Variants in LSG1 observed in about 807,000 individuals in gnomAD.
LSG1 encodes the protein large subunit GTPase 1 homolog.
In LSG1, 55 loss-of-function variants were observed where a neutral mutation model predicts 82.6. That is an observed-to-expected ratio of 0.67 (90% CI 0.54 to 0.83). LSG1 has a LOEUF of 0.83. Ranked by LOEUF, LSG1 falls within the 40% of genes least tolerant of loss-of-function variation. LSG1 has a pLI of 0.00. For missense variants in LSG1, 809 were observed against 807.9 expected, an observed-to-expected ratio of 1.00 and a Z score of -0.02; for synonymous variants, 272 against 282.5, an observed-to-expected ratio of 0.96 and a Z score of 0.37.
At chr3:194,651,442 A>T (rs61255997) in intron 8 of LSG1, 8,968 of 539,208 alleles carry the variant, frequency 0.017, 629 homozygotes, top group African/African-American at 0.16. Context: ...ACATTTTAAT[A>T]TTATATGTTT....
At chr3:194,671,731 C>G (rs932810295) in intron 1 of LSG1, among the ~76,000 whole-genome samples, 3 of 152,182 alleles carry the variant, frequency 2.0e-5, no homozygotes, top group Non-Finnish European at 2.9e-5. Flanking sequence ...TACAAAAATA[C>G]GTTTTGTCTT....
intron 5 of LSG1, among the ~76,000 whole-genome samples, chr3:194,665,263 T>C (rs1457531523): frequency 6.6e-6 from 1 of 152,220 alleles, no homozygotes; most frequent in Non-Finnish European, 1.5e-5. Context: ...TATCCATATT[T>C]TCCACATTAC....
intron 10 of LSG1, among the ~76,000 whole-genome samples, chr3:194,649,760 A>G (rs1423942867): frequency 1.3e-5 from 2 of 152,046 alleles, no homozygotes; most frequent in African/African-American, 4.8e-5. Context: ...CCTTAAGTGT[A>G]GTTATGAAGG....
intron 5 of LSG1, among the ~76,000 whole-genome samples, chr3:194,660,437 G>A (rs185267249): frequency 2.2e-4 from 34 of 152,192 alleles, no homozygotes; most frequent in Admixed American, 1.6e-3. Context: ...AGAGGGGTTC[G>A]GATGATGTTT....
intron 1 of LSG1, among the ~76,000 whole-genome samples, chr3:194,671,195 C>T (rs1719133235): frequency 6.6e-6 from 1 of 152,154 alleles, no homozygotes; most frequent in South Asian, 2.1e-4. Flanking sequence ...GAATTAGGAT[C>T]CAATTCTTTA....
chr3:194,657,272 C>T (rs966486643), intron 7 of LSG1, among the ~76,000 whole-genome samples: 29 of 151,104 alleles, frequency 1.9e-4, no homozygotes, highest in Non-Finnish European at 2.7e-4. Context: ...GCCTGTTCAA[C>T]GATGTTATCA....
At chr3:194,654,270 G>T (rs1718747130) in intron 7 of LSG1, among the ~76,000 whole-genome samples, 1 of 152,116 alleles carries the variant, frequency 6.6e-6, no homozygotes, top group South Asian at 2.1e-4. Flanking sequence ...GAAAGTGAAA[G>T]GTACAAATCA....
chr3:194,651,048 A>C (rs773755372), intron 9 of LSG1, 24 bp from the exon 10 acceptor site: 14 of 1,614,044 alleles, frequency 8.7e-6, no homozygotes, highest in Non-Finnish European at 1.2e-5. Context: ...AAGAGGTTTG[A>C]GCTGGGTATA....
At chr3:194,658,867 C>A (rs1705971) in intron 7 of LSG1, 90 bp downstream of exon 7, 870,395 of 1,285,210 alleles carry the variant, frequency 0.68, 299,530 homozygotes, top group East Asian at 0.86. Context: ...ACAGATTTTC[C>A]ATAAGAATAA....
Position 194,663,276 on chromosome 3 carries a change from A to G in LSG1, c.521+2281T>C, listed in dbSNP as rs80344008. On this transcript the variant is annotated intron_variant, in intron 5 of 13. Coordinates refer to ENST00000265245, the MANE Select transcript of LSG1 (RefSeq NM_018385.3). The stretch of plus-strand genomic sequence containing the variant: ...CTCCACAGCAGTTCCCCAGTTCCCC[A>G]GGAGAATGACTGTGGGCCTTCCGAA... 4.1e-3 allele frequency among the ~76,000 whole-genome samples: 623 copies of G among 152,338 alleles called. 5 individuals are homozygous for G. Among genetic ancestry groups the G allele is most frequent in the African/African-American group, 0.013 (533 of 41,592 alleles).
At chr3:194,651,077 A>G (rs372162110) in intron 9 of LSG1, 38 bp downstream of exon 9, 1 of 1,613,968 alleles carries the variant, frequency 6.2e-7, no homozygotes, top group Non-Finnish European at 8.5e-7. Context: ...AAAAGGAAGA[A>G]AGAGCTGCAT....
At chr3:194,665,124 G>C (rs1719006174) in intron 5 of LSG1, among the ~76,000 whole-genome samples, 2 of 152,130 alleles carry the variant, frequency 1.3e-5, no homozygotes, top group South Asian at 4.1e-4. Context: ...TCATCTGTGT[G>C]TCCCTGGTGC....
intron 7 of LSG1, among the ~76,000 whole-genome samples, chr3:194,653,687 A>G (rs1269008921): frequency 6.6e-6 from 1 of 152,048 alleles, no homozygotes; most frequent in African/African-American, 2.4e-5. Context: ...TTTACTTTAT[A>G]TGTTTCTGTA....
chr3:194,646,487 C>T, intron 11 of LSG1: 1 of 365,984 alleles, frequency 2.7e-6, no homozygotes, highest in South Asian at 5.6e-5. Context: ...TTCGATTTCT[C>T]TCTACTCCAG....
At chr3:194,669,286 C>A (rs73890200) in intron 2 of LSG1, among the ~76,000 whole-genome samples, 12,410 of 152,168 alleles carry the variant, frequency 0.082, 581 homozygotes, top group African/African-American at 0.12. Flanking sequence ...TACATATAAC[C>A]AAACGTCACA....
Position 194,672,171 on chromosome 3 carries a change from G to C in LSG1, c.-9C>G, listed in dbSNP as rs1223412293. 9 of 1,586,806 alleles carry C rather than the reference G, an allele frequency of 5.7e-6. No homozygotes were observed. The highest frequency in any genetic ancestry group is 7.7e-6 in the Non-Finnish European group (9 of 1,168,236). On this transcript the variant is annotated 5_prime_UTR_variant, in exon 1 of 14. Coordinates refer to ENST00000265245, the MANE Select transcript of LSG1 (RefSeq NM_018385.3). ...GCTCTCCTCCGGCCCATGGCAACAC[G>C]ACCGCTGGACGAAGCTTCCCGGCTC...
intron 2 of LSG1, among the ~76,000 whole-genome samples, chr3:194,668,917 C>T (rs1365982483): frequency 1.2e-5 from 1 of 85,882 alleles, no homozygotes; most frequent in African/African-American, 3.3e-5. Flanking sequence ...TATGAATGAA[C>T]CACTCTGCTA....
intron 5 of LSG1, among the ~76,000 whole-genome samples, chr3:194,660,492 A>G (rs1718904100): frequency 6.6e-6 from 1 of 152,150 alleles, no homozygotes; most frequent in Non-Finnish European, 1.5e-5. Flanking sequence ...TGTCCTGGTG[A>G]GATAAAAGAG....
chr3:194,645,535 GACACACACACACACACACACACACAC>G (rs61447438), intron 12 of LSG1: 1 of 34,960 alleles, frequency 2.9e-5, no homozygotes. Context: ...CACACAGACA[GACACACACACACACACACACACACAC>G]ACACACACAG....
Sources: gnomAD v4.1 joint callset for allele counts (sites outside exome capture counted in the v4.1 genomes callset) on GRCh38, gnomAD v4.1.1 for gene constraint, MANE v1.5 for transcripts, NCBI Gene and HGNC (gene_info 2026-07-23, HGNC 2026-07-21) for gene names.